SLC24A2: variants seen among roughly 807,000 people sequenced by gnomAD.
SLC24A2 encodes the protein solute carrier family 24 member 2, also known as sodium/potassium/calcium exchanger 2.
In SLC24A2, 36 loss-of-function variants were observed where a neutral mutation model predicts 62.0. The ratio of observed to expected loss-of-function variants is 0.58; its 90% CI spans 0.44 to 0.77. The LOEUF is 0.77. Among genes scored for constraint, SLC24A2 ranks in the 30% least tolerant of loss-of-function variants. The pLI is 0.00. For missense variants in SLC24A2, 846 were observed against 817.9 expected, an observed-to-expected ratio of 1.03 and a Z score of -0.42; for synonymous variants, 358 against 294.0, an observed-to-expected ratio of 1.22 and a Z score of -2.23.
chr9:19,985,513 A>G, the SLC24A2 span, among the ~76,000 whole-genome samples: 12 of 152,308 alleles, frequency 7.9e-5, no homozygotes, highest in African/African-American at 2.9e-4. Flanking sequence ...ATTTATATGA[A>G]ATTCTAGAAA....
chr9:19,515,998 C>G lies in SLC24A2; in HGVS notation c.*155G>C, dbSNP rs1238604772. On this transcript the variant is annotated 3_prime_UTR_variant, in exon 11 of 11. Transcript: ENST00000341998. ...GAAGCAGCCTGTGAAGTGAATGGGCCCAGTGTGAATCCATCTCTCCTCAAA... is the reference window on the plus strand; with the variant it reads ...GAAGCAGCCTGTGAAGTGAATGGGCGCAGTGTGAATCCATCTCTCCTCAAA... 22 of 917,862 alleles carry G rather than the reference C, an allele frequency of 2.4e-5. No homozygotes were observed. Among genetic ancestry groups the G allele is most frequent in the Non-Finnish European group, 3.9e-5 (22 of 559,010 alleles). The allele number at this position is 917,862 out of a possible 1,614,324, so 56.9% of individuals were successfully genotyped here. A position where few individuals can be genotyped will look rare whatever the true frequency, so the allele number is the denominator to read the frequency against.
the SLC24A2 span, among the ~76,000 whole-genome samples, chr9:20,083,740 G>T: frequency 6.6e-6 from 1 of 152,160 alleles, no homozygotes; most frequent in African/African-American, 2.4e-5. Context: ...TCCCACCATT[G>T]CCCCCTCAGC....
At chr9:20,117,423 A>C in the SLC24A2 span, among the ~76,000 whole-genome samples, 4 of 152,120 alleles carry the variant, frequency 2.6e-5, no homozygotes, top group Non-Finnish European at 4.4e-5. Context: ...ACAGCAGCCT[A>C]GCTATGTCTT....
At chr9:20,141,915 T>G in the SLC24A2 span, among the ~76,000 whole-genome samples, 1 of 152,118 alleles carries the variant, frequency 6.6e-6, no homozygotes, top group South Asian at 2.1e-4. Context: ...AAACCCCATC[T>G]CTACTCAAAA....
upstream of SLC24A2, among the ~76,000 whole-genome samples, chr9:19,790,540 A>AAG (rs1823304499): frequency 6.6e-6 from 1 of 151,900 alleles, no homozygotes; most frequent in Non-Finnish European, 1.5e-5. Context: ...CAAAAAAAAA[A>AAG]AAAAAAAAGA....
the SLC24A2 span, among the ~76,000 whole-genome samples, chr9:20,285,870 G>A: frequency 6.6e-6 from 1 of 152,172 alleles, no homozygotes; most frequent in Non-Finnish European, 1.5e-5. Context: ...TGAGGACACA[G>A]CAAGCAAGTG....
At chr9:20,000,903 G>A in the SLC24A2 span, among the ~76,000 whole-genome samples, 2 of 152,154 alleles carry the variant, frequency 1.3e-5, no homozygotes, top group Non-Finnish European at 2.9e-5. Flanking sequence ...ACGGAAGGAG[G>A]CAGGAAGCAT....
At chr9:20,114,830 A>AT in the SLC24A2 span, among the ~76,000 whole-genome samples, 1 of 152,164 alleles carries the variant, frequency 6.6e-6, no homozygotes, top group Non-Finnish European at 1.5e-5. Flanking sequence ...AAGATGCTGT[A>AT]GGGACAAAAG....
At chr9:19,627,626 A>G (rs558619132) in intron 2 of SLC24A2, among the ~76,000 whole-genome samples, 8 of 152,298 alleles carry the variant, frequency 5.3e-5, no homozygotes, top group African/African-American at 1.7e-4. Flanking sequence ...CCTGGGCTCA[A>G]GCAATCCTCT....
the SLC24A2 span, among the ~76,000 whole-genome samples, chr9:19,868,469 G>A: frequency 3.8e-3 from 584 of 152,226 alleles, 6 homozygotes; most frequent in African/African-American, 0.014. Flanking sequence ...GTCACAAGAC[G>A]GAATATTCTA....
At chr9:19,521,798 GAC>G (rs1260186409) in intron 9 of SLC24A2, among the ~76,000 whole-genome samples, 1 of 151,986 alleles carries the variant, frequency 6.6e-6, no homozygotes, top group Non-Finnish European at 1.5e-5. Context: ...GATAATCTGT[GAC>G]AGACTCTTTG....
At chr9:19,995,091 T>C in the SLC24A2 span, among the ~76,000 whole-genome samples, 1 of 151,384 alleles carries the variant, frequency 6.6e-6, no homozygotes, top group African/African-American at 2.4e-5. Context: ...TTTTTTTTTT[T>C]CTCCATAGAA....
the SLC24A2 span, among the ~76,000 whole-genome samples, chr9:20,269,358 C>T: frequency 1.3e-5 from 2 of 152,176 alleles, no homozygotes; most frequent in Non-Finnish European, 2.9e-5. Context: ...AATATCCCTA[C>T]TATACCATGG....
At chr9:19,606,814 A>G (rs1166858705) in intron 4 of SLC24A2, among the ~76,000 whole-genome samples, 1 of 152,186 alleles carries the variant, frequency 6.6e-6, no homozygotes, top group African/African-American at 2.4e-5. Context: ...TGTGGGTGGG[A>G]GAATTCTTTT....
At chr9:19,531,218 ACCCC>A (rs1833693532) in intron 8 of SLC24A2, among the ~76,000 whole-genome samples, 1 of 151,996 alleles carries the variant, frequency 6.6e-6, no homozygotes, top group Non-Finnish European at 1.5e-5. Flanking sequence ...CCATTTTCAC[ACCCC>A]AGGTAATCAC....
chr9:19,550,378 G>A, intron 7 of SLC24A2, 110 bp from the exon 8 acceptor site: 2 of 1,145,576 alleles, frequency 1.7e-6, no homozygotes, highest in Non-Finnish European at 2.6e-6. Context: ...TCAGTTTTCT[G>A]GACTCGTTCC....
At chr9:19,877,353 T>A in the SLC24A2 span, among the ~76,000 whole-genome samples, 1 of 141,580 alleles carries the variant, frequency 7.1e-6, no homozygotes, top group Non-Finnish European at 1.6e-5. Flanking sequence ...GCCTCTAGAA[T>A]CTGTAGGCTA....
chr9:19,705,232 A>T (rs1003520269), intron 2 of SLC24A2: 1 of 152,244 alleles, frequency 6.6e-6, no homozygotes, highest in African/African-American at 2.4e-5. Context: ...TAATGCAAAT[A>T]AGACATTTAT....
At chr9:20,304,534 T>A in the SLC24A2 span, among the ~76,000 whole-genome samples, 2 of 152,232 alleles carry the variant, frequency 1.3e-5, no homozygotes. Flanking sequence ...TGCGTAAGTT[T>A]GGAAAGTTTC....
Sources: gnomAD v4.1 joint callset for allele counts (sites outside exome capture counted in the v4.1 genomes callset) on GRCh38, gnomAD v4.1.1 for gene constraint, MANE v1.5 for transcripts, NCBI Gene and HGNC (gene_info 2026-07-23, HGNC 2026-07-21) for gene names.